CALCR: variants seen among roughly 807,000 people sequenced by gnomAD.
The protein encoded by CALCR is calcitonin receptor.
CALCR carries 47 observed loss-of-function variants against 59.5 expected under a neutral mutation model. The ratio of observed to expected loss-of-function variants is 0.79; its 90% CI spans 0.63 to 1.01. CALCR has a LOEUF of 1.01. CALCR is among the 50% of genes least tolerant of loss of function. CALCR has a pLI of 0.00. For synonymous variants in CALCR, 213 were observed against 211.3 expected (o/e 1.01, Z -0.07); for missense variants, 566 against 597.1 (o/e 0.95, Z 0.54).
At chr7:93,496,365 CT>C (rs1323324304) in intron 2 of CALCR, among the ~76,000 whole-genome samples, 4 of 151,472 alleles carry the variant, frequency 2.6e-5, no homozygotes, top group African/African-American at 4.8e-5. Flanking sequence ...CCATGAAACA[CT>C]TTTATGGTGT....
intron 8 of CALCR, among the ~76,000 whole-genome samples, chr7:93,446,772 G>A (rs1004898320): frequency 1.3e-5 from 2 of 151,928 alleles, no homozygotes; most frequent in Non-Finnish European, 2.9e-5. Flanking sequence ...AATAAGCTAA[G>A]CAACTTTCCA....
chr7:93,515,182 C>T (rs545395644), intron 2 of CALCR, among the ~76,000 whole-genome samples: 2 of 152,122 alleles, frequency 1.3e-5, no homozygotes, highest in South Asian at 4.2e-4. Flanking sequence ...TTCTTTCAAG[C>T]CTTTCTCAAG....
chr7:93,528,748 A>C (rs185200617), intron 2 of CALCR, among the ~76,000 whole-genome samples: 1 of 152,310 alleles, frequency 6.6e-6, no homozygotes, highest in Admixed American at 6.5e-5. Context: ...GAAAGGTCAT[A>C]CTATAATTTC....
chr7:93,453,802 T>C (rs1260572347), intron 8 of CALCR, among the ~76,000 whole-genome samples: 1 of 151,956 alleles, frequency 6.6e-6, no homozygotes, highest in African/African-American at 2.4e-5. Context: ...TTCAAATCCG[T>C]ATGAGAAAGC....
intron 13 of CALCR, among the ~76,000 whole-genome samples, chr7:93,433,665 C>A (rs1472944221): frequency 6.6e-6 from 1 of 152,086 alleles, no homozygotes; most frequent in Non-Finnish European, 1.5e-5. Flanking sequence ...AGATTTGGCT[C>A]CCAGGCAAGA....
intron 2 of CALCR, among the ~76,000 whole-genome samples, chr7:93,539,687 G>GT (rs1291951898): frequency 1.3e-5 from 2 of 152,088 alleles, no homozygotes; most frequent in Admixed American, 6.6e-5. Flanking sequence ...GAAAGGCTTG[G>GT]TTTTTCCATA....
intron 2 of CALCR, among the ~76,000 whole-genome samples, chr7:93,495,114 C>G (rs1801170728): frequency 1.3e-5 from 2 of 151,238 alleles, no homozygotes; most frequent in African/African-American, 2.4e-5. Flanking sequence ...AACCTGGACC[C>G]AGGTAGAAAG....
chr7:93,434,388 T>TTAAAA, intron 12 of CALCR, 94 bp from the exon 13 acceptor site: 5 of 545,728 alleles, frequency 9.2e-6, no homozygotes, highest in Admixed American at 4.5e-5. Flanking sequence ...GAAGGCCTGA[T>TTAAAA]GAAAAAAAAA....
chr7:93,460,593 G>GGT (rs1554397826), intron 8 of CALCR, among the ~76,000 whole-genome samples: 2 of 89,380 alleles, frequency 2.2e-5, no homozygotes, highest in African/African-American at 1.1e-4. Flanking sequence ...ATATATATAT[G>GGT]TATATATATA....
At chr7:93,466,942 A>G (rs762104646) in intron 7 of CALCR, among the ~76,000 whole-genome samples, 1 of 151,796 alleles carries the variant, frequency 6.6e-6, no homozygotes, top group Non-Finnish European at 1.5e-5. Context: ...TATTTAAGTG[A>G]CTGGAGAAAT....
chr7:93,445,882 C>T lies in CALCR; in HGVS notation c.649-2125G>A, dbSNP rs567063696. Reference sequence around the variant, plus strand: ...CTATTTAAAACAATAAAATCACCAACCAATTTACAAATTCATAAAAATGTA... The same window carrying T: ...CTATTTAAAACAATAAAATCACCAATCAATTTACAAATTCATAAAAATGTA... On this transcript the variant is annotated intron_variant, in intron 8 of 13. Coordinates refer to ENST00000426151, the MANE Select transcript of CALCR (RefSeq NM_001742.4). 1.1e-4 allele frequency among the ~76,000 whole-genome samples: 17 copies of T among 152,052 alleles called. No homozygotes were observed. In the South Asian group the frequency reaches 2.9e-3, roughly 26 times the overall value.
intron 4 of CALCR, 104 bp downstream of exon 4, chr7:93,479,250 C>A: frequency 8.5e-7 from 1 of 1,181,314 alleles, no homozygotes; most frequent in Non-Finnish European, 1.2e-6. Context: ...GCTGTGAAAA[C>A]TGCTGGCATA....
At chr7:93,493,252 T>C (rs1377708155) in intron 2 of CALCR, among the ~76,000 whole-genome samples, 1 of 151,364 alleles carries the variant, frequency 6.6e-6, no homozygotes, top group Non-Finnish European at 1.5e-5. Context: ...GGAATTCTGA[T>C]TTTTTACAAC....
intron 2 of CALCR, among the ~76,000 whole-genome samples, chr7:93,506,918 A>G (rs1428156566): frequency 6.6e-6 from 1 of 152,116 alleles, no homozygotes; most frequent in Non-Finnish European, 1.5e-5. Flanking sequence ...AATAAGTCTC[A>G]TGAGATCTGA....
intron 2 of CALCR, among the ~76,000 whole-genome samples, chr7:93,556,743 A>C (rs1178368808): frequency 6.6e-6 from 1 of 152,054 alleles, no homozygotes; most frequent in African/African-American, 2.4e-5. Context: ...GTACATATAG[A>C]TCTGCCTCAT....
Position 93,426,450 on chromosome 7 carries a change from T to A in CALCR, c.1331A>T (p.His444Leu). 1 of 1,613,936 alleles carries A rather than the reference T, an allele frequency of 6.2e-7. No individual in the cohort carries two copies. The highest frequency in any genetic ancestry group is 8.5e-7 in the Non-Finnish European group (1 of 1,179,824). The change falls in exon 14 of 14, where the codon CAT becomes CTT. Residue 444 changes from histidine (H) to leucine (L), a missense_variant. Coordinates refer to ENST00000426151, the MANE Select transcript of CALCR (RefSeq NM_001742.4). ...EAGDIPIYIC[H>L]QELRNEPANN... ...GGCTGGTTCATTCCTCAGCTCCTGA[T>A]GGCAGATGTAAATTGGGATGTCGCC... is the stretch of plus-strand genomic sequence containing the variant.
intron 9 of CALCR, among the ~76,000 whole-genome samples, chr7:93,443,236 A>C (rs1343664364): frequency 1.3e-5 from 2 of 152,152 alleles, no homozygotes; most frequent in Non-Finnish European, 2.9e-5. Context: ...TACATAATTC[A>C]AAATGTGAAA....
chr7:93,487,226 A>G (rs1800965993), intron 2 of CALCR, among the ~76,000 whole-genome samples: 1 of 151,312 alleles, frequency 6.6e-6, no homozygotes, highest in Admixed American at 6.6e-5. Flanking sequence ...AGGCCCTCCT[A>G]TTAAGAAATT....
intron 2 of CALCR, among the ~76,000 whole-genome samples, chr7:93,562,425 AC>A: frequency 1.3e-5 from 2 of 152,192 alleles, no homozygotes; most frequent in Admixed American, 6.6e-5. Flanking sequence ...AACAACAACA[AC>A]AACAACAACA....
Sources: allele counts gnomAD v4.1 joint callset (sites outside exome capture counted in the v4.1 genomes callset), GRCh38; gene constraint gnomAD v4.1.1; transcripts MANE v1.5; gene names NCBI Gene and HGNC (gene_info 2026-07-23, HGNC 2026-07-21).